SHANK2: variants seen among roughly 807,000 people sequenced by gnomAD.
The protein encoded by SHANK2 is SH3 and multiple ankyrin repeat domains protein 2.
A neutral mutation model predicts 133.7 loss-of-function variants in SHANK2; 43 were observed. That is an observed-to-expected ratio of 0.32 (90% CI 0.25 to 0.41). SHANK2 has a LOEUF of 0.41. Among genes scored for constraint, SHANK2 ranks in the 10% least tolerant of loss-of-function variants. The pLI, the probability that SHANK2 is intolerant of heterozygous loss-of-function variation, is 1.00. For synonymous variants in SHANK2, 1,017 were observed against 952.8 expected, an observed-to-expected ratio of 1.07 and a Z score of -1.24; for missense variants, 1,994 against 2,235.8, an observed-to-expected ratio of 0.89 and a Z score of 2.18.
At chr11:71,238,160 G>A (rs782819215) in intron 1 of SHANK2, among the ~76,000 whole-genome samples, 14 of 152,194 alleles carry the variant, frequency 9.2e-5, no homozygotes, top group Admixed American at 6.5e-4. Context: ...TGATGCCCAC[G>A]TGGGAGGCTC....
At chr11:70,537,394 A>T (rs2136006420) in intron 17 of SHANK2, among the ~76,000 whole-genome samples, 1 of 152,374 alleles carries the variant, frequency 6.6e-6, no homozygotes. Context: ...ATGGTGGTTT[A>T]AAATCCAATG....
intron 17 of SHANK2, among the ~76,000 whole-genome samples, chr11:70,533,089 G>C (rs1316737084): frequency 3.9e-5 from 6 of 152,190 alleles, no homozygotes; most frequent in African/African-American, 1.2e-4. Flanking sequence ...AGGCTGGGGG[G>C]AGGGGCAATG....
At chr11:71,195,325 G>A (rs1013217481) in intron 2 of SHANK2, among the ~76,000 whole-genome samples, 2 of 152,222 alleles carry the variant, frequency 1.3e-5, no homozygotes, top group East Asian at 3.9e-4. Flanking sequence ...CCAGGAGGCA[G>A]AGCTTGCAGT....
intron 17 of SHANK2, among the ~76,000 whole-genome samples, chr11:70,538,729 A>T (rs547824858): frequency 6.6e-6 from 1 of 152,298 alleles, no homozygotes; most frequent in Non-Finnish European, 1.5e-5. Flanking sequence ...TCCACCAGCC[A>T]GGGGGCAGAA....
intron 9 of SHANK2, among the ~76,000 whole-genome samples, chr11:71,067,417 G>C (rs1951079120): frequency 1.3e-5 from 2 of 152,182 alleles, no homozygotes; most frequent in Admixed American, 6.5e-5. Flanking sequence ...TGAACCCCAG[G>C]CTGCTCCCCT....
chr11:70,747,383 T>C (rs1946662801), intron 14 of SHANK2, among the ~76,000 whole-genome samples: 1 of 152,154 alleles, frequency 6.6e-6, no homozygotes, highest in South Asian at 2.1e-4. Context: ...TGTTTTCTGC[T>C]GGTGGAAAAG....
At chr11:70,788,056 A>G (rs1555047079) in intron 14 of SHANK2, among the ~76,000 whole-genome samples, 6 of 152,244 alleles carry the variant, frequency 3.9e-5, no homozygotes, top group Non-Finnish European at 8.8e-5. Context: ...ATAACGTTAC[A>G]TGGCCTGCAG....
At chr11:70,785,045 T>C (rs190620000) in intron 14 of SHANK2, among the ~76,000 whole-genome samples, 1 of 152,314 alleles carries the variant, frequency 6.6e-6, no homozygotes, top group Admixed American at 6.5e-5. Flanking sequence ...TCTCTGGGTT[T>C]CCATGGGGTG....
At chr11:71,109,914 G>C in intron 6 of SHANK2, 27 bp downstream of exon 6, 1 of 1,424,558 alleles carries the variant, frequency 7.0e-7, no homozygotes. Context: ...GTAAAGCCTG[G>C]TAAGGTCCCC....
intron 2 of SHANK2, among the ~76,000 whole-genome samples, chr11:71,215,146 C>G (rs1327411055): frequency 6.6e-6 from 1 of 152,176 alleles, no homozygotes; most frequent in Admixed American, 6.5e-5. Context: ...CAAAACCCCT[C>G]GTGATAGTGC....
chr11:70,661,922 C>G, intron 15 of SHANK2: 4 of 1,012,276 alleles, frequency 4.0e-6, no homozygotes, highest in Non-Finnish European at 6.0e-6. Flanking sequence ...AGAGCCGGAG[C>G]CAGCCGGAGG....
intron 17 of SHANK2, among the ~76,000 whole-genome samples, chr11:70,528,711 C>T (rs1554972615): frequency 6.6e-6 from 1 of 151,904 alleles, no homozygotes; most frequent in East Asian, 2.0e-4. Context: ...TCGCCGGCTC[C>T]CCAGGGGCAT....
intron 5 of SHANK2, among the ~76,000 whole-genome samples, chr11:71,111,723 G>A (rs913867419): frequency 6.6e-6 from 1 of 152,218 alleles, no homozygotes; most frequent in Non-Finnish European, 1.5e-5. Flanking sequence ...AACTAGAACT[G>A]ATCAAATGCC....
intron 11 of SHANK2, chr11:70,863,927 C>G (rs1555068487): frequency 1.4e-5 from 6 of 439,924 alleles, no homozygotes; most frequent in Non-Finnish European, 2.7e-5. Flanking sequence ...CGTCCGCCCC[C>G]ACAACGGTGA....
intron 17 of SHANK2, among the ~76,000 whole-genome samples, chr11:70,578,549 T>G (rs1554984755): frequency 6.6e-6 from 1 of 152,108 alleles, no homozygotes; most frequent in African/African-American, 2.4e-5. Flanking sequence ...TTTGCACCAT[T>G]CTGGTACTGA....
chr11:71,230,844 G>A (rs754999882), intron 1 of SHANK2, among the ~76,000 whole-genome samples: 59 of 152,294 alleles, frequency 3.9e-4, no homozygotes, highest in Non-Finnish European at 6.0e-4. Flanking sequence ...TTCAACAAAC[G>A]ATGCTGGAGC....
At chr11:70,889,176 C>A (rs369987785) in intron 11 of SHANK2, among the ~76,000 whole-genome samples, 64 of 152,250 alleles carry the variant, frequency 4.2e-4, no homozygotes, top group Middle Eastern at 3.4e-3. Flanking sequence ...TTAGGGTAGA[C>A]TCTAAATTCA....
intron 14 of SHANK2, among the ~76,000 whole-genome samples, chr11:70,779,413 T>C (rs1555044645): frequency 6.6e-6 from 1 of 152,142 alleles, no homozygotes; most frequent in African/African-American, 2.4e-5. Context: ...TGTGGCTTAT[T>C]AATATTTTAG....
At chr11:70,818,241 T>C (rs935420489) in intron 12 of SHANK2, among the ~76,000 whole-genome samples, 3 of 152,120 alleles carry the variant, frequency 2.0e-5, no homozygotes, top group Admixed American at 6.6e-5. Flanking sequence ...CACACCAGCA[T>C]GCACACAGGC....
Sources: allele counts gnomAD v4.1 joint callset (sites outside exome capture counted in the v4.1 genomes callset), GRCh38; gene constraint gnomAD v4.1.1; transcripts MANE v1.5; gene names NCBI Gene and HGNC (gene_info 2026-07-23, HGNC 2026-07-21).